The following ZNF346 variants were observed in gnomAD, a reference collection of about 807,000 sequenced individuals.
ZNF346 encodes the protein double-stranded RNA-binding zinc finger protein JAZ.
In ZNF346, 23 loss-of-function variants were observed where a neutral mutation model predicts 33.7. The ratio of observed to expected loss-of-function variants is 0.68; its 90% CI spans 0.49 to 0.97. The LOEUF (loss-of-function observed/expected upper bound fraction) is 0.97, where lower values mean the gene tolerates loss of function less well. Ranked by LOEUF, ZNF346 falls within the 50% of genes least tolerant of loss-of-function variation. ZNF346 has a pLI of 0.00. For missense variants in ZNF346, 340 were observed against 371.1 expected (o/e 0.92, Z 0.69); for synonymous variants, 134 against 142.4 (o/e 0.94, Z 0.42).
chr5:177,032,237 CAGGTAAT>C (rs1198584359), intron 1 of ZNF346, among the ~76,000 whole-genome samples: 1 of 151,984 alleles, frequency 6.6e-6, no homozygotes, highest in Non-Finnish European at 1.5e-5. Context: ...CTCCTGACCT[CAGGTAAT>C]CCACCCACCT....
intron 5 of ZNF346, among the ~76,000 whole-genome samples, chr5:177,060,683 CA>C (rs1404313584): frequency 6.6e-6 from 1 of 152,106 alleles, no homozygotes; most frequent in Non-Finnish European, 1.5e-5. Context: ...TGGCACGCAC[CA>C]GTAGTCCCAG....
chr5:177,078,928 T>A (rs542793220), intron 8 of ZNF346, among the ~76,000 whole-genome samples: 26 of 150,552 alleles, frequency 1.7e-4, no homozygotes, highest in African/African-American at 4.6e-4. Context: ...TAAATGATTT[T>A]AAAAAAATAA....
intron 5 of ZNF346, among the ~76,000 whole-genome samples, chr5:177,055,017 C>T (rs1267824391): frequency 6.7e-6 from 1 of 149,802 alleles, no homozygotes; most frequent in African/African-American, 2.5e-5. Context: ...TTATATATTA[C>T]ATTTACAAAT....
intron 3 of ZNF346, among the ~76,000 whole-genome samples, chr5:177,043,167 T>A (rs1308584222): frequency 2.0e-5 from 3 of 151,978 alleles, no homozygotes; most frequent in Non-Finnish European, 2.9e-5. Context: ...GCTGATTTTT[T>A]AAAAAATTTT....
intron 4 of ZNF346, among the ~76,000 whole-genome samples, chr5:177,048,196 C>T (rs149903481): frequency 8.6e-4 from 131 of 152,036 alleles, no homozygotes; most frequent in African/African-American, 3.0e-3. Context: ...TTATTGGATG[C>T]GCATTAAATG....
chr5:177,062,034 G>A (rs1782613419), intron 5 of ZNF346, 24 bp from the exon 6 acceptor site: 2 of 1,600,284 alleles, frequency 1.2e-6, no homozygotes, highest in East Asian at 2.2e-5. Context: ...GGATTACTAA[G>A]ATCTTGATTT....
chr5:177,076,980 G>C (rs1347885571), intron 8 of ZNF346, among the ~76,000 whole-genome samples: 1 of 152,198 alleles, frequency 6.6e-6, no homozygotes, highest in Non-Finnish European at 1.5e-5. Context: ...GGCGGAGGTT[G>C]CAGTGAGCCG....
At chr5:177,052,207 TC>T (rs2149672622) in intron 5 of ZNF346, among the ~76,000 whole-genome samples, 1 of 151,198 alleles carries the variant, frequency 6.6e-6, no homozygotes, top group South Asian at 2.1e-4. Flanking sequence ...TCACTCTGTC[TC>T]CCAGGCTGGA....
rs1562041922 is a variant in ZNF346 at position 177,065,882 on chromosome 5, T to TG, written c.*1283_*1284insG. On this transcript the variant is annotated 3_prime_UTR_variant, in exon 7 of 7. Transcript: ENST00000358149. Reference sequence around the variant, plus strand: ...GATGTGTGTGTGTGTGTGTGTGTGTTTGTGTGTATGTGTGTGCTTCTGTGT... The same window carrying TG: ...GATGTGTGTGTGTGTGTGTGTGTGTTGTGTGTGTATGTGTGTGCTTCTGTGT... The TG allele has an allele frequency of 0.24, 33,488 of 139,360 alleles. 4,329 individuals carry two copies. The highest frequency in any genetic ancestry group is 0.41 in the East Asian group (2,048 of 4,960). The allele number at this position is 139,360 out of a possible 1,614,324, so 8.6% of individuals were successfully genotyped here.
intron 4 of ZNF346, among the ~76,000 whole-genome samples, chr5:177,045,751 A>G (rs1185159397): frequency 6.6e-6 from 1 of 151,832 alleles, no homozygotes; most frequent in Non-Finnish European, 1.5e-5. Context: ...TCAGCTTCCC[A>G]GAGTGCTGGG....
At chr5:177,047,250 T>C (rs896653011) in intron 4 of ZNF346, among the ~76,000 whole-genome samples, 1 of 151,926 alleles carries the variant, frequency 6.6e-6, no homozygotes, top group Admixed American at 6.6e-5. Context: ...GGTTTCACTA[T>C]GTTGCCCAGG....
intron 5 of ZNF346, among the ~76,000 whole-genome samples, chr5:177,053,607 T>G (rs1443327124): frequency 1.3e-5 from 2 of 152,154 alleles, no homozygotes; most frequent in African/African-American, 4.8e-5. Context: ...TCAGTTTTCA[T>G]GAATATTATA....
chr5:177,079,310 G>C (rs748066153), intron 8 of ZNF346: 18 of 151,594 alleles, frequency 1.2e-4, no homozygotes, highest in Non-Finnish European at 2.4e-4. Context: ...GCTTCTTTTT[G>C]ATAGCCCCTG....
downstream of ZNF346, among the ~76,000 whole-genome samples, chr5:177,069,265 T>C (rs1783382361): frequency 8.4e-6 from 1 of 118,722 alleles, no homozygotes; most frequent in Non-Finnish European, 1.6e-5. Context: ...CAGACCAGCC[T>C]AGCCAACATG....
At chr5:177,060,628 A>G (rs1285017328) in intron 5 of ZNF346, among the ~76,000 whole-genome samples, 1 of 152,104 alleles carries the variant, frequency 6.6e-6, no homozygotes, top group African/African-American at 2.4e-5. Flanking sequence ...CCTGGCCAAC[A>G]TAGTGAAACC....
intron 5 of ZNF346, among the ~76,000 whole-genome samples, chr5:177,059,289 A>G (rs1324117959): frequency 6.6e-6 from 1 of 152,182 alleles, no homozygotes; most frequent in Non-Finnish European, 1.5e-5. Flanking sequence ...AGGGTTCCAC[A>G]CTAAAGAGTG....
chr5:177,047,035 TTTA>T (rs1391522025), intron 4 of ZNF346, among the ~76,000 whole-genome samples: 5 of 60,078 alleles, frequency 8.3e-5, no homozygotes, highest in East Asian at 6.0e-4. Context: ...TTTATTTTTA[TTTA>T]TTTATTTATT....
chr5:177,025,611 T>G (rs1202323408), intron 1 of ZNF346, among the ~76,000 whole-genome samples: 1 of 147,724 alleles, frequency 6.8e-6, no homozygotes, highest in Non-Finnish European at 1.5e-5. Flanking sequence ...TATCTCATTG[T>G]GGTTTCCTAA....
intron 1 of ZNF346, among the ~76,000 whole-genome samples, chr5:177,036,507 T>C (rs1157993125): frequency 6.6e-6 from 1 of 152,146 alleles, no homozygotes; most frequent in Non-Finnish European, 1.5e-5. Flanking sequence ...TTTTGAGATC[T>C]ACCCTTCCCA....
Sources: gnomAD v4.1 joint callset for allele counts (sites outside exome capture counted in the v4.1 genomes callset) on GRCh38, gnomAD v4.1.1 for gene constraint, MANE v1.5 for transcripts, NCBI Gene and HGNC (gene_info 2026-07-23, HGNC 2026-07-21) for gene names.